Variants in CDH18 observed in about 807,000 individuals in gnomAD.
CDH18 encodes cadherin-18.
CDH18 carries 31 observed loss-of-function variants against 67.9 expected under a neutral mutation model. The observed-to-expected ratio is 0.46, with a 90% confidence interval of 0.34 to 0.62. CDH18 has a LOEUF of 0.62. Ranked by LOEUF, CDH18 falls within the 20% of genes least tolerant of loss-of-function variation. CDH18 has a pLI of 0.01. For synonymous variants in CDH18, 362 were observed against 347.2 expected (o/e 1.04, Z -0.48); for missense variants, 890 against 975.5 (o/e 0.91, Z 1.17).
chr5:20,455,744 T>G (rs1750793649), intron 1 of CDH18, among the ~76,000 whole-genome samples: 1 of 152,124 alleles, frequency 6.6e-6, no homozygotes, highest in South Asian at 2.1e-4. Context: ...TTTAAATTTT[T>G]TTATAAATGT....
At chr5:20,290,666 T>C (rs564941755) in intron 1 of CDH18, among the ~76,000 whole-genome samples, 2 of 152,276 alleles carry the variant, frequency 1.3e-5, no homozygotes, top group East Asian at 3.9e-4. Context: ...TGAAAAATGC[T>C]TGATTCGGAA....
chr5:20,285,372 AAT>A (rs1746607069), intron 1 of CDH18, among the ~76,000 whole-genome samples: 1 of 137,026 alleles, frequency 7.3e-6, no homozygotes, highest in South Asian at 2.3e-4. Flanking sequence ...TGAGGCATGT[AAT>A]ATGGCCATAT....
chr5:19,782,631 G>A (rs1775258476), intron 3 of CDH18, among the ~76,000 whole-genome samples: 1 of 152,122 alleles, frequency 6.6e-6, no homozygotes, highest in Non-Finnish European at 1.5e-5. Context: ...TTTGGTGGCA[G>A]AATATCTGCA....
At chr5:19,490,571 C>T (rs1004501987) in intron 11 of CDH18, among the ~76,000 whole-genome samples, 5 of 151,600 alleles carry the variant, frequency 3.3e-5, no homozygotes, top group Admixed American at 3.3e-4. Context: ...TGCACCACCA[C>T]ACCCAGCTAA....
At chr5:19,517,452 A>C (rs1746209029) in intron 10 of CDH18, among the ~76,000 whole-genome samples, 2 of 152,114 alleles carry the variant, frequency 1.3e-5, no homozygotes, top group African/African-American at 4.8e-5. Context: ...AAAACTGTTA[A>C]AGTTTGATGA....
At chr5:20,119,740 A>C (rs561706273) in intron 2 of CDH18, among the ~76,000 whole-genome samples, 1 of 152,210 alleles carries the variant, frequency 6.6e-6, no homozygotes, top group Non-Finnish European at 1.5e-5. Context: ...TGCTGGAGAT[A>C]AAGCCTGGCA....
chr5:19,563,318 T>G (rs541654369), intron 8 of CDH18, among the ~76,000 whole-genome samples: 31 of 152,340 alleles, frequency 2.0e-4, no homozygotes, highest in African/African-American at 7.5e-4. Context: ...TTTTTTGAAC[T>G]TTAGTTTCTT....
chr5:20,206,171 C>T (rs1739869462), intron 2 of CDH18, among the ~76,000 whole-genome samples: 1 of 151,718 alleles, frequency 6.6e-6, no homozygotes. Flanking sequence ...ACTTATACCA[C>T]AGAAATGCAA....
intron 3 of CDH18, among the ~76,000 whole-genome samples, chr5:19,836,500 C>G (rs954796358): frequency 1.6e-4 from 24 of 152,228 alleles, no homozygotes; most frequent in African/African-American, 5.8e-4. Flanking sequence ...CCTTTGCCTA[C>G]TTTTTGAAGG....
Position 20,172,230 on chromosome 5 carries a change from A to ACATG in CDH18, c.-518+83213_-518+83214insCATG, listed in dbSNP as rs1554098793. ...TATATATATATATATATATGTATAT[A>ACATG]TATATATATGTATATATATATATAT... On this transcript the variant is annotated intron_variant, in intron 2 of 14. Coordinates refer to the CDH18 transcript ENST00000507958. Among the ~76,000 whole-genome samples, 21 of 96,686 alleles carry ACATG rather than the reference A, an allele frequency of 2.2e-4. 1 individual carries two copies. Among genetic ancestry groups the ACATG allele is most frequent in the African/African-American group, 8.2e-4 (21 of 25,724 alleles). The allele number at this position is 96,686 out of a possible 152,430, so 63.4% of individuals were successfully genotyped here. A position where few individuals can be genotyped will look rare whatever the true frequency, so the allele number is the denominator to read the frequency against.
intron 2 of CDH18, among the ~76,000 whole-genome samples, chr5:20,247,229 G>T (rs1743448645): frequency 1.3e-5 from 2 of 152,092 alleles, no homozygotes; most frequent in African/African-American, 4.8e-5. Flanking sequence ...ATTTTTGGAG[G>T]TATATTCTAT....
At chr5:20,042,676 T>G (rs1740535360) in intron 2 of CDH18, among the ~76,000 whole-genome samples, 1 of 152,104 alleles carries the variant, frequency 6.6e-6, no homozygotes. Flanking sequence ...TTTAAAACAT[T>G]TTATGGGCCG....
At chr5:20,333,538 C>T (rs1209972002) in intron 1 of CDH18, among the ~76,000 whole-genome samples, 5 of 146,084 alleles carry the variant, frequency 3.4e-5, no homozygotes, top group East Asian at 2.0e-4. Flanking sequence ...TACACACACA[C>T]ACACACACAC....
Position 20,494,595 on chromosome 5 carries a change from A to C in CDH18, c.-580+80867T>G, listed in dbSNP as rs144443407. 6.7e-4 allele frequency among the ~76,000 whole-genome samples: 102 copies of C among 152,296 alleles called. No individual in the cohort carries two copies. The East Asian group carries it at 0.014, about 21-fold the overall frequency. On this transcript the variant is annotated intron_variant, in intron 1 of 14. Coordinates refer to the CDH18 transcript ENST00000507958. ...GAAATTGGCCATAATTTCCAACCACACTTTTGAAGAATGCCTTCAAAAGAA... is the reference window on the plus strand; with the variant it reads ...GAAATTGGCCATAATTTCCAACCACCCTTTTGAAGAATGCCTTCAAAAGAA...
chr5:19,925,602 C>T (rs1470935411), intron 2 of CDH18, among the ~76,000 whole-genome samples: 2 of 152,104 alleles, frequency 1.3e-5, no homozygotes, highest in African/African-American at 4.8e-5. Context: ...GATTCTCTGC[C>T]TCAGCCTCCC....
intron 2 of CDH18, among the ~76,000 whole-genome samples, chr5:20,162,822 G>C (rs1455716343): frequency 6.6e-6 from 1 of 151,926 alleles, no homozygotes; most frequent in South Asian, 2.1e-4. Context: ...ACTTTGGGAG[G>C]CCAAGGCAGG....
intron 10 of CDH18, among the ~76,000 whole-genome samples, chr5:19,508,224 C>T (rs1358722777): frequency 9.2e-5 from 14 of 152,046 alleles, no homozygotes; most frequent in Admixed American, 7.9e-4. Context: ...TTACCTTAGA[C>T]TTTCTTTAGA....
In CDH18 at chr5:19,679,599, G is replaced by A. The variant is rs577922012; in HGVS notation, c.643+41748C>T. Among the ~76,000 whole-genome samples the A allele has an allele frequency of 2.0e-5, 3 of 151,664 alleles. No individual in the cohort carries two copies. The South Asian group carries it at 6.2e-4, about 32-fold the overall frequency. On this transcript the variant is annotated intron_variant, in intron 5 of 12. Coordinates refer to ENST00000382275, the MANE Select transcript of CDH18 (RefSeq NM_004934.5). The stretch of plus-strand genomic sequence containing the variant: ...GCTCCTAGAACTGATATATGACTTC[G>A]GTAAAGTTTCAATGTATAAAAATCA...
At chr5:20,033,090 T>A (rs1162402402) in intron 2 of CDH18, among the ~76,000 whole-genome samples, 5 of 152,014 alleles carry the variant, frequency 3.3e-5, no homozygotes, top group African/African-American at 7.2e-5. Context: ...ATGACCTCTC[T>A]GCAGCTCTAA....
Sources: allele counts gnomAD v4.1 joint callset (sites outside exome capture counted in the v4.1 genomes callset), GRCh38; gene constraint gnomAD v4.1.1; transcripts MANE v1.5; gene names NCBI Gene and HGNC (gene_info 2026-07-23, HGNC 2026-07-21).